The following TASP1 variants were observed in gnomAD, a reference collection of about 807,000 sequenced individuals.
TASP1 encodes the protein taspase 1.
Under a neutral mutation model 56.6 loss-of-function variants are expected in TASP1, and 16 were observed. The ratio of observed to expected loss-of-function variants is 0.28; its 90% CI spans 0.19 to 0.43. The LOEUF is 0.43. Among genes scored for constraint, TASP1 ranks in the 20% least tolerant of loss-of-function variants. TASP1 has a pLI of 1.00. For missense variants in TASP1, 393 were observed against 511.6 expected (o/e 0.77, Z 2.24); for synonymous variants, 179 against 184.2 (o/e 0.97, Z 0.23).
the TASP1 span, among the ~76,000 whole-genome samples, chr20:13,118,949 C>T: frequency 4.6e-5 from 7 of 152,324 alleles, no homozygotes; most frequent in East Asian, 1.9e-4. Flanking sequence ...TGCTTTCTTT[C>T]GGGCTCAAAG....
chr20:13,373,065 A>G, the TASP1 span, among the ~76,000 whole-genome samples: 2 of 151,924 alleles, frequency 1.3e-5, no homozygotes, highest in Admixed American at 1.3e-4. Flanking sequence ...ATTTATTTGT[A>G]GCATTTGTTC....
intron 11 of TASP1, among the ~76,000 whole-genome samples, chr20:13,456,441 C>A (rs1043453307): frequency 1.2e-4 from 19 of 152,058 alleles, no homozygotes; most frequent in African/African-American, 4.6e-4. Context: ...GATTTGGCTC[C>A]TTCTTTTTGT....
chr20:13,469,535 TTC>T (rs1222091532), intron 11 of TASP1, among the ~76,000 whole-genome samples: 1 of 152,146 alleles, frequency 6.6e-6, no homozygotes, highest in African/African-American at 2.4e-5. Flanking sequence ...TAAAATTTTT[TTC>T]TTTTTCCTAT....
the TASP1 span, among the ~76,000 whole-genome samples, chr20:13,267,156 T>G: frequency 6.6e-6 from 1 of 152,188 alleles, no homozygotes; most frequent in Non-Finnish European, 1.5e-5. Flanking sequence ...TCTTAACAGC[T>G]TGGGGGCATG....
chr20:13,634,393 G>A (rs903938589), intron 1 of TASP1, among the ~76,000 whole-genome samples: 1 of 152,172 alleles, frequency 6.6e-6, no homozygotes, highest in Non-Finnish European at 1.5e-5. Context: ...GTAGGGTGAT[G>A]GAGAGGGACT....
At chr20:13,577,446 G>A (rs6134918) in intron 6 of TASP1, among the ~76,000 whole-genome samples, 24,242 of 152,090 alleles carry the variant, frequency 0.16, 2,265 homozygotes, top group Middle Eastern at 0.23. Context: ...GTCTATTTCT[G>A]TGCACTGAAT....
intron 6 of TASP1, among the ~76,000 whole-genome samples, chr20:13,574,063 C>G (rs562632272): frequency 4.6e-5 from 7 of 151,480 alleles, no homozygotes; most frequent in African/African-American, 1.5e-4. Context: ...AAGTAGAGAT[C>G]AGTGAATGTG....
chr20:13,118,433 C>A, the TASP1 span, among the ~76,000 whole-genome samples: 2 of 124,272 alleles, frequency 1.6e-5, no homozygotes, highest in East Asian at 2.4e-4. Context: ...GTGCCAATAT[C>A]ACCAAGAGGT....
At chr20:13,557,572 GTTTTTTTTTTT>G (rs972801507) in intron 8 of TASP1, among the ~76,000 whole-genome samples, 1 of 99,738 alleles carries the variant, frequency 1.0e-5, no homozygotes, top group African/African-American at 4.1e-5. Context: ...GATGTTTTTG[GTTTTTTTTTTT>G]TTTTTTTTTT....
chr20:13,296,912 G>C, the TASP1 span, among the ~76,000 whole-genome samples: 113 of 152,164 alleles, frequency 7.4e-4, no homozygotes, highest in African/African-American at 2.6e-3. Context: ...CAGCTACTCG[G>C]GAGACTGAGG....
At chr20:13,221,976 C>T in the TASP1 span, 1 of 1,276,374 alleles carries the variant, frequency 7.8e-7, no homozygotes, top group Non-Finnish European at 9.9e-7. Flanking sequence ...GGCGGGGGTG[C>T]TGAGCTAGTG....
At chr20:13,200,526 T>A in the TASP1 span, among the ~76,000 whole-genome samples, 2 of 152,150 alleles carry the variant, frequency 1.3e-5, no homozygotes, top group Non-Finnish European at 2.9e-5. Context: ...GAATACCAGT[T>A]CCCAACAAAG....
the TASP1 span, among the ~76,000 whole-genome samples, chr20:13,221,219 ACTC>A: frequency 0.091 from 7,565 of 82,788 alleles, 680 homozygotes; most frequent in East Asian, 0.3. Context: ...AAGCCCTCCT[ACTC>A]CTCCTCCTCC....
At chr20:13,264,083 C>T in the TASP1 span, among the ~76,000 whole-genome samples, 2 of 152,088 alleles carry the variant, frequency 1.3e-5, no homozygotes, top group Admixed American at 6.5e-5. Context: ...TAACTTTAGC[C>T]ATCATTATCA....
At chr20:13,309,174 A>G in the TASP1 span, among the ~76,000 whole-genome samples, 2 of 152,156 alleles carry the variant, frequency 1.3e-5, no homozygotes, top group African/African-American at 4.8e-5. Context: ...TAAAAATACT[A>G]AACTATGCAT....
At chr20:13,214,175 T>C in the TASP1 span, among the ~76,000 whole-genome samples, 1 of 152,226 alleles carries the variant, frequency 6.6e-6, no homozygotes, top group East Asian at 1.9e-4. Context: ...TGTGATGATG[T>C]AGGAGGATCT....
At chr20:13,223,867 T>G in the TASP1 span, among the ~76,000 whole-genome samples, 1 of 152,174 alleles carries the variant, frequency 6.6e-6, no homozygotes, top group African/African-American at 2.4e-5. Flanking sequence ...GCCATAAAAA[T>G]GATGTTCTGT....
At chr20:13,397,262 T>C (rs771492802) in intron 13 of TASP1, among the ~76,000 whole-genome samples, 18 of 152,262 alleles carry the variant, frequency 1.2e-4, no homozygotes, top group Non-Finnish European at 1.0e-4. Context: ...AGTGCAATTA[T>C]GTCTTTGCAG....
chr20:13,259,650 A>C, the TASP1 span, among the ~76,000 whole-genome samples: 1 of 152,258 alleles, frequency 6.6e-6, no homozygotes, highest in Non-Finnish European at 1.5e-5. Context: ...AATGTCCTGT[A>C]GAGCCATAAA....
Sources: gnomAD v4.1 joint callset for allele counts (sites outside exome capture counted in the v4.1 genomes callset) on GRCh38, gnomAD v4.1.1 for gene constraint, MANE v1.5 for transcripts, NCBI Gene and HGNC (gene_info 2026-07-23, HGNC 2026-07-21) for gene names.